Variants in PKN2 observed in about 807,000 individuals in gnomAD.
PKN2 encodes protein kinase N2.
Under a neutral mutation model 119.1 loss-of-function variants are expected in PKN2, and 38 were observed. The ratio of observed to expected loss-of-function variants is 0.32; its 90% CI spans 0.25 to 0.42. The LOEUF is 0.42. Among genes scored for constraint, PKN2 ranks in the 10% least tolerant of loss-of-function variants. PKN2 has a pLI of 1.00. For synonymous variants in PKN2, 390 were observed against 384.9 expected (o/e 1.01, Z -0.15); for missense variants, 850 against 1,165.1 (o/e 0.73, Z 3.94).
chr1:88,721,243 A>G (rs752366660), intron 1 of PKN2, among the ~76,000 whole-genome samples: 9 of 151,862 alleles, frequency 5.9e-5, no homozygotes, highest in Non-Finnish European at 1.2e-4. Flanking sequence ...TCCCACCAGC[A>G]GTGTAGAAGT....
At chr1:88,717,155 A>G (rs1408713614) in intron 1 of PKN2, among the ~76,000 whole-genome samples, 3 of 152,130 alleles carry the variant, frequency 2.0e-5, no homozygotes, top group East Asian at 1.9e-4. Flanking sequence ...AGTTTCTGCC[A>G]AGAGATCAGC....
intron 2 of PKN2, among the ~76,000 whole-genome samples, chr1:88,756,104 G>C (rs918585744): frequency 6.6e-6 from 1 of 151,880 alleles, no homozygotes; most frequent in Non-Finnish European, 1.5e-5. Flanking sequence ...TAGAGACGGG[G>C]TTTCACCATG....
At chr1:88,712,632 AC>A (rs1255285998) in intron 1 of PKN2, among the ~76,000 whole-genome samples, 3 of 152,326 alleles carry the variant, frequency 2.0e-5, no homozygotes, top group African/African-American at 7.2e-5. Flanking sequence ...ATTATTAAAA[AC>A]ATTAACAATA....
chr1:88,828,352 T>C, intron 18 of PKN2, 129 bp from the exon 19 acceptor site: 1 of 677,092 alleles, frequency 1.5e-6, no homozygotes, highest in Non-Finnish European at 2.5e-6. Flanking sequence ...ATGTCTTAGA[T>C]ATGTCTGAAT....
chr1:88,772,899 A>C (rs1224012252), intron 6 of PKN2, among the ~76,000 whole-genome samples: 4 of 152,092 alleles, frequency 2.6e-5, no homozygotes, highest in Non-Finnish European at 5.9e-5. Context: ...GAAGTATGGT[A>C]ATATATCTAA....
chr1:88,738,323 A>G (rs1004077966), intron 1 of PKN2, among the ~76,000 whole-genome samples: 2 of 152,232 alleles, frequency 1.3e-5, no homozygotes, highest in African/African-American at 2.4e-5. Context: ...GCATTCAACT[A>G]AATTCTAAAG....
intron 8 of PKN2, among the ~76,000 whole-genome samples, chr1:88,801,246 G>A (rs1412388763): frequency 2.6e-5 from 4 of 152,090 alleles, no homozygotes; most frequent in Non-Finnish European, 5.9e-5. Flanking sequence ...TTAGCCATGT[G>A]TGGTGGTGGG....
At chr1:88,692,570 A>G (rs912223774) in intron 1 of PKN2, among the ~76,000 whole-genome samples, 1 of 152,186 alleles carries the variant, frequency 6.6e-6, no homozygotes. Context: ...AGGGTGTAAA[A>G]TGTTGCCTTA....
In PKN2 at chr1:88,834,875, A is replaced by G. The variant is rs1282220357; in HGVS notation, c.*1427A>G. 6.6e-6 allele frequency: 1 copy of G among 151,534 alleles called. No homozygotes were observed. The highest frequency in any genetic ancestry group is 1.5e-5 in the Non-Finnish European group (1 of 67,634). 9.4% of individuals were successfully genotyped at this position (151,534 alleles called of 1,614,324 possible). Reference sequence around the variant, plus strand: ...ATCTATGACTTTATTGTTTTTTCTTAGTTTAGTAATAGCATCTTTGATCCT... The same window carrying G: ...ATCTATGACTTTATTGTTTTTTCTTGGTTTAGTAATAGCATCTTTGATCCT... On this transcript the variant is annotated 3_prime_UTR_variant, in exon 22 of 22. Transcript: ENST00000370521.
chr1:88,823,427 T>C (rs1672371975), intron 17 of PKN2, among the ~76,000 whole-genome samples: 1 of 151,816 alleles, frequency 6.6e-6, no homozygotes, highest in African/African-American at 2.4e-5. Context: ...GTTGGCCAGG[T>C]GCAGTGGCTC....
chr1:88,769,030 C>T (rs1182067619), intron 3 of PKN2, among the ~76,000 whole-genome samples: 1 of 152,208 alleles, frequency 6.6e-6, no homozygotes, highest in Non-Finnish European at 1.5e-5. Context: ...TGAGAACTTA[C>T]TCATACTGTG....
intron 15 of PKN2, among the ~76,000 whole-genome samples, chr1:88,808,893 T>C (rs998831237): frequency 3.3e-5 from 5 of 152,162 alleles, no homozygotes; most frequent in African/African-American, 1.2e-4. Context: ...TTAGTAAGGA[T>C]TGACCCTAGG....
At chr1:88,760,905 C>T (rs983609341) in intron 3 of PKN2, among the ~76,000 whole-genome samples, 2 of 151,744 alleles carry the variant, frequency 1.3e-5, no homozygotes, top group African/African-American at 4.8e-5. Context: ...GCAACTTTTC[C>T]GTAAATCTAA....
At position 88,813,662 on chromosome 1, in the gene PKN2, A is replaced by G; in HGVS notation, c.2208A>G (p.Val736=). ...CFQTKEHVCF[V]MEYAAGGDLM... The stretch of plus-strand genomic sequence containing the variant: ...AAACCAAAGAGCATGTTTGCTTTGT[A>G]ATGGAATATGCTGCCGGTGGGGACC... Residue 736 remains valine, a synonymous_variant, in exon 16 of 22, where the codon GTA becomes GTG. Transcript: ENST00000370521. 1 of 1,609,640 alleles carries G rather than the reference A, an allele frequency of 6.2e-7. No homozygotes were observed. Among genetic ancestry groups the G allele is most frequent in the Non-Finnish European group, 8.5e-7 (1 of 1,178,488 alleles).
intron 1 of PKN2, among the ~76,000 whole-genome samples, chr1:88,738,381 C>A (rs1434272132): frequency 6.6e-6 from 1 of 152,144 alleles, no homozygotes; most frequent in Non-Finnish European, 1.5e-5. Flanking sequence ...TGTTCTTGAT[C>A]TTTGAAACAA....
intron 6 of PKN2, among the ~76,000 whole-genome samples, chr1:88,783,459 A>G (rs1222939793): frequency 6.6e-6 from 1 of 150,962 alleles, no homozygotes; most frequent in Non-Finnish European, 1.5e-5. Flanking sequence ...AACCTTTTTC[A>G]TATATTTTGT....
chr1:88,802,934 G>T (rs1671382413), intron 8 of PKN2, among the ~76,000 whole-genome samples: 2 of 152,108 alleles, frequency 1.3e-5, no homozygotes, highest in African/African-American at 4.8e-5. Context: ...TAAAAAAATG[G>T]AGTCTAAATT....
intron 1 of PKN2, among the ~76,000 whole-genome samples, chr1:88,701,315 G>T (rs1337066305): frequency 6.6e-6 from 1 of 152,114 alleles, no homozygotes; most frequent in Non-Finnish European, 1.5e-5. Context: ...ATGGAGGCAG[G>T]TGCCTATAAT....
intron 2 of PKN2, among the ~76,000 whole-genome samples, chr1:88,759,805 A>G (rs1669365616): frequency 6.6e-6 from 1 of 152,198 alleles, no homozygotes; most frequent in Admixed American, 6.5e-5. Context: ...CAACCTCCCA[A>G]GACTGAGCCA....
Sources: allele counts gnomAD v4.1 joint callset (sites outside exome capture counted in the v4.1 genomes callset), GRCh38; gene constraint gnomAD v4.1.1; transcripts MANE v1.5; gene names NCBI Gene and HGNC (gene_info 2026-07-23, HGNC 2026-07-21).